The following DCC variants were observed in gnomAD, a reference collection of about 807,000 sequenced individuals.
The protein encoded by DCC is netrin receptor DCC.
In DCC, 58 loss-of-function variants were observed where a neutral mutation model predicts 172.5. The observed-to-expected ratio is 0.34, with a 90% CI of 0.27 to 0.42. The LOEUF is 0.42. Among genes scored for constraint, DCC ranks in the 10% least tolerant of loss-of-function variants. The pLI is 1.00. For missense variants in DCC, 1,740 were observed against 1,791.0 expected (o/e 0.97, Z 0.51); for synonymous variants, 709 against 644.5 (o/e 1.10, Z -1.52).
intron 7 of DCC, among the ~76,000 whole-genome samples, chr18:53,101,568 G>C (rs1425036037): frequency 6.6e-6 from 1 of 152,132 alleles, no homozygotes; most frequent in Non-Finnish European, 1.5e-5. Context: ...TAAGCTCACA[G>C]GGGTATTTGT....
At chr18:52,599,099 A>G (rs910577327) in intron 1 of DCC, among the ~76,000 whole-genome samples, 2 of 152,192 alleles carry the variant, frequency 1.3e-5, no homozygotes, top group African/African-American at 4.8e-5. Flanking sequence ...CAAACCACAG[A>G]TGGATCAATT....
intron 25 of DCC, among the ~76,000 whole-genome samples, chr18:53,486,583 G>A (rs925847138): frequency 7.2e-5 from 11 of 152,136 alleles, no homozygotes; most frequent in Non-Finnish European, 1.5e-4. Context: ...GTTTTAAACT[G>A]CAGGGTAATA....
At chr18:52,824,895 A>G (rs1331187782) in intron 2 of DCC, among the ~76,000 whole-genome samples, 1 of 152,028 alleles carries the variant, frequency 6.6e-6, no homozygotes, top group African/African-American at 2.4e-5. Flanking sequence ...ACTTGAACCC[A>G]GGACACAGAG....
intron 12 of DCC, among the ~76,000 whole-genome samples, chr18:53,281,968 C>G (rs1179061237): frequency 2.6e-5 from 4 of 152,044 alleles, no homozygotes; most frequent in African/African-American, 9.7e-5. Context: ...AAAATAACTT[C>G]AAAACTAAGA....
chr18:53,412,557 G>C (rs1910043816), intron 20 of DCC, among the ~76,000 whole-genome samples: 1 of 152,074 alleles, frequency 6.6e-6, no homozygotes, highest in Admixed American at 6.6e-5. Flanking sequence ...ACTTCCCAAA[G>C]CTGCAGCAGA....
chr18:52,519,604 G>A (rs1198152079), intron 1 of DCC, among the ~76,000 whole-genome samples: 2 of 152,156 alleles, frequency 1.3e-5, no homozygotes, highest in Admixed American at 1.3e-4. Flanking sequence ...TAAAAGAAAT[G>A]GAAGGAATTT....
chr18:52,532,711 C>A (rs2144686949), intron 1 of DCC, among the ~76,000 whole-genome samples: 1 of 152,014 alleles, frequency 6.6e-6, no homozygotes, highest in South Asian at 2.1e-4. Context: ...TGTCTATAAA[C>A]TGTTTTTTTT....
chr18:53,097,069 T>G (rs2043098777), intron 7 of DCC, among the ~76,000 whole-genome samples: 1 of 152,164 alleles, frequency 6.6e-6, no homozygotes, highest in Non-Finnish European at 1.5e-5. Context: ...GATATTAAGG[T>G]TGAAGGGACT....
chr18:53,020,492 G>A (rs1311640227), intron 5 of DCC, among the ~76,000 whole-genome samples: 1 of 152,040 alleles, frequency 6.6e-6, no homozygotes, highest in Non-Finnish European at 1.5e-5. Context: ...TGCACCAAAA[G>A]TTATTCAGAA....
intron 1 of DCC, among the ~76,000 whole-genome samples, chr18:52,536,809 G>C (rs1198964167): frequency 6.6e-6 from 1 of 152,118 alleles, no homozygotes; most frequent in Non-Finnish European, 1.5e-5. Context: ...TTTTATGCAA[G>C]AAGCTTAATT....
chr18:53,428,746 AT>A (rs1385695704), intron 21 of DCC, among the ~76,000 whole-genome samples: 1 of 51,742 alleles, frequency 1.9e-5, no homozygotes, highest in African/African-American at 6.0e-5. Flanking sequence ...TATACTATAT[AT>A]TTTATATATA....
chr18:53,243,733 T>C (rs959981276), intron 12 of DCC, among the ~76,000 whole-genome samples: 3 of 152,260 alleles, frequency 2.0e-5, no homozygotes, highest in African/African-American at 7.2e-5. Flanking sequence ...ATTAACGACA[T>C]AATGTTTGTA....
Position 53,091,860 on chromosome 18 carries a change from T to A in DCC, c.1261+25694T>A, listed in dbSNP as rs1030189714. Among the ~76,000 whole-genome samples, 379 of 56,634 alleles carry A rather than the reference T, an allele frequency of 6.7e-3. 2 individuals are homozygous for A. The highest frequency in any genetic ancestry group is 0.018 in the African/African-American group (321 of 17,580). The allele number at this position is 56,634 out of a possible 152,430, so 37.2% of individuals were successfully genotyped here. On this transcript the variant is annotated intron_variant, in intron 7 of 28. Coordinates refer to ENST00000442544, the MANE Select transcript of DCC (RefSeq NM_005215.4). The stretch of plus-strand genomic sequence containing the variant: ...CTATCTATCTATCTATCAATCTATC[T>A]ATATATATATATATATCTACATAAA...
intron 1 of DCC, among the ~76,000 whole-genome samples, chr18:52,521,037 G>A (rs1201286360): frequency 1.3e-5 from 2 of 152,018 alleles, no homozygotes. Context: ...AAATATACAT[G>A]GTGGTATATT....
At chr18:53,219,809 T>C (rs990286283) in intron 12 of DCC, among the ~76,000 whole-genome samples, 3 of 152,148 alleles carry the variant, frequency 2.0e-5, no homozygotes, top group Non-Finnish European at 4.4e-5. Context: ...ATTTCCTTTA[T>C]GCAAAAACTA....
chr18:53,064,088 G>A (rs1163105307), intron 6 of DCC, among the ~76,000 whole-genome samples: 11 of 152,052 alleles, frequency 7.2e-5, no homozygotes, highest in African/African-American at 2.7e-4. Context: ...AAGCTAAGAG[G>A]AATAACTTCT....
chr18:52,819,759 C>T (rs975946473), intron 2 of DCC, among the ~76,000 whole-genome samples: 2 of 151,492 alleles, frequency 1.3e-5, no homozygotes, highest in African/African-American at 2.4e-5. Context: ...TGCTCTGTCG[C>T]CCAGGCTGGA....
intron 3 of DCC, among the ~76,000 whole-genome samples, chr18:52,922,452 G>A (rs1186870280): frequency 2.6e-5 from 4 of 152,060 alleles, no homozygotes; most frequent in Non-Finnish European, 5.9e-5. Context: ...GCTATGACCC[G>A]ATTGGGTCTG....
Position 52,362,439 on chromosome 18 carries a change from G to A in DCC, c.91+21561G>A, listed in dbSNP as rs373332168. 9.2e-5 allele frequency among the ~76,000 whole-genome samples: 14 copies of A among 152,296 alleles called. No individual in the cohort carries two copies. The East Asian group carries it at 2.1e-3, about 23-fold the overall frequency. ...CCAGCATTGGTTGGTGGCCCAGTTA[G>A]AAACAAAAAGATCGGGGATAAGTGT... On this transcript the variant is annotated intron_variant, in intron 1 of 28. Transcript: ENST00000442544.
Sources: allele counts gnomAD v4.1 joint callset (sites outside exome capture counted in the v4.1 genomes callset), GRCh38; gene constraint gnomAD v4.1.1; transcripts MANE v1.5; gene names NCBI Gene and HGNC (gene_info 2026-07-23, HGNC 2026-07-21).